TTC28: variants seen among roughly 807,000 people sequenced by gnomAD.
TTC28 encodes the protein tetratricopeptide repeat domain 28, also known as tetratricopeptide repeat protein 28.
A neutral mutation model predicts 198.0 loss-of-function variants in TTC28; 61 were observed. The observed-to-expected ratio is 0.31, with a 90% CI of 0.25 to 0.38. The LOEUF (loss-of-function observed/expected upper bound fraction) is 0.38, where lower values mean the gene tolerates loss of function less well. TTC28 is among the 10% of genes least tolerant of loss of function. The probability of loss-of-function intolerance (pLI) is 1.00; values close to 1 mark genes in which losing one functional copy is unlikely to be tolerated. For missense variants in TTC28, 2,678 were observed against 3,164.0 expected, an observed-to-expected ratio of 0.85 and a Z score of 3.69; for synonymous variants, 1,171 against 1,297.8, an observed-to-expected ratio of 0.90 and a Z score of 2.10.
intron 2 of TTC28, among the ~76,000 whole-genome samples, chr22:28,445,624 C>A (rs1332069596): frequency 6.6e-6 from 1 of 152,186 alleles, no homozygotes; most frequent in Non-Finnish European, 1.5e-5. Context: ...TGCCCTCTCA[C>A]TGTCCCCAGA....
chr22:28,453,290 A>T (rs886416836), intron 2 of TTC28, among the ~76,000 whole-genome samples: 1 of 152,182 alleles, frequency 6.6e-6, no homozygotes, highest in South Asian at 2.1e-4. Flanking sequence ...TTAAAACACA[A>T]ATTTTTCTTG....
At chr22:28,264,232 T>TA (rs1931529060) in intron 5 of TTC28, among the ~76,000 whole-genome samples, 1 of 152,112 alleles carries the variant, frequency 6.6e-6, no homozygotes, top group African/African-American at 2.4e-5. Flanking sequence ...GATGGTTTTA[T>TA]AAAGGGGAGT....
chr22:28,545,880 A>G (rs921081501), intron 2 of TTC28, among the ~76,000 whole-genome samples: 36 of 152,240 alleles, frequency 2.4e-4, no homozygotes, highest in African/African-American at 7.7e-4. Context: ...AAGACTCGAT[A>G]TTGTTAAGAT....
chr22:28,620,089 C>T (rs527708681), intron 2 of TTC28, among the ~76,000 whole-genome samples: 5 of 152,204 alleles, frequency 3.3e-5, no homozygotes, highest in South Asian at 2.1e-4. Context: ...CAGTGGCTCA[C>T]GCCTGTAATC....
intron 2 of TTC28, among the ~76,000 whole-genome samples, chr22:28,552,827 C>CA (rs1454117550): frequency 6.6e-6 from 1 of 150,802 alleles, no homozygotes; most frequent in Non-Finnish European, 1.5e-5. Flanking sequence ...CGGTCTCCCT[C>CA]TGATGCCGAG....
intron 2 of TTC28, among the ~76,000 whole-genome samples, chr22:28,595,926 AAAT>A (rs887307918): frequency 1.3e-5 from 2 of 152,184 alleles, no homozygotes; most frequent in African/African-American, 4.8e-5. Context: ...CTGTCTCAAA[AAAT>A]AATAATAACA....
intron 5 of TTC28, among the ~76,000 whole-genome samples, chr22:28,270,054 G>A (rs1174762489): frequency 6.6e-6 from 1 of 152,192 alleles, no homozygotes; most frequent in Non-Finnish European, 1.5e-5. Flanking sequence ...CCTAATGTGA[G>A]GACCATGACC....
chr22:28,075,788 A>T (rs949687217), intron 12 of TTC28, among the ~76,000 whole-genome samples: 2 of 152,200 alleles, frequency 1.3e-5, no homozygotes, highest in Non-Finnish European at 2.9e-5. Flanking sequence ...ACCTCTTTGG[A>T]AGCCTCTTGA....
At chr22:28,028,829 G>T (rs1938953213) in intron 13 of TTC28, 1 of 356,966 alleles carries the variant, frequency 2.8e-6, no homozygotes. Flanking sequence ...TTATACATTG[G>T]CTCCTTTATT....
intron 2 of TTC28, among the ~76,000 whole-genome samples, chr22:28,482,084 C>T (rs1382505230): frequency 6.6e-6 from 1 of 152,016 alleles, no homozygotes; most frequent in Non-Finnish European, 1.5e-5. Context: ...AAGTGTGTTC[C>T]GTGTCAATCA....
Position 27,979,889 on chromosome 22 carries a change from C to T in TTC28, c.*2332G>A, listed in dbSNP as rs1334934294. The T allele has an allele frequency of 6.6e-6, 1 of 152,164 alleles. No homozygotes were observed. The highest frequency in any genetic ancestry group is 1.5e-5 in the Non-Finnish European group (1 of 68,040). The allele number at this position is 152,164 out of a possible 1,614,324, so 9.4% of individuals were successfully genotyped here. ...CCTTCCTTGAAACTTATATTTAAGA[C>T]AGAATAAAACCACATAAACCATTGG... On this transcript the variant is annotated 3_prime_UTR_variant, in exon 23 of 23. Coordinates refer to ENST00000397906, the MANE Select transcript of TTC28 (RefSeq NM_001145418.2).
chr22:28,506,899 AT>A (rs2048621028), intron 2 of TTC28, among the ~76,000 whole-genome samples: 1 of 152,236 alleles, frequency 6.6e-6, no homozygotes, highest in African/African-American at 2.4e-5. Context: ...CAAAAAATCC[AT>A]TCAAAGGTCA....
At chr22:28,588,936 A>G (rs1172509517) in intron 2 of TTC28, among the ~76,000 whole-genome samples, 1 of 152,256 alleles carries the variant, frequency 6.6e-6, no homozygotes, top group Non-Finnish European at 1.5e-5. Context: ...AATTTTTAAC[A>G]CATAGAACTC....
At chr22:28,199,609 T>C (rs1925741288) in intron 5 of TTC28, among the ~76,000 whole-genome samples, 1 of 148,788 alleles carries the variant, frequency 6.7e-6, no homozygotes, top group Middle Eastern at 3.4e-3. Flanking sequence ...TGTATGTGTA[T>C]GTGTATGTGT....
intron 1 of TTC28, among the ~76,000 whole-genome samples, chr22:28,655,340 AC>A (rs2051628163): frequency 6.6e-6 from 1 of 152,180 alleles, no homozygotes; most frequent in Non-Finnish European, 1.5e-5. Flanking sequence ...AAAACTACAA[AC>A]CCAATAAACA....
chr22:28,127,563 A>T (rs1279402240), intron 6 of TTC28, among the ~76,000 whole-genome samples: 1 of 152,250 alleles, frequency 6.6e-6, no homozygotes, highest in Non-Finnish European at 1.5e-5. Context: ...CAGACACAGG[A>T]TTTCCAAGAC....
chr22:28,604,414 T>C (rs2050696259), intron 2 of TTC28, among the ~76,000 whole-genome samples: 1 of 151,364 alleles, frequency 6.6e-6, no homozygotes, highest in African/African-American at 2.4e-5. Context: ...AAAAAGACTC[T>C]GGAAACTCCT....
chr22:28,083,873 C>A (rs985708292), intron 12 of TTC28, among the ~76,000 whole-genome samples: 32 of 152,364 alleles, frequency 2.1e-4, no homozygotes, highest in Admixed American at 5.2e-4. Flanking sequence ...TATCCCGCAC[C>A]TGGCTCAGAG....
intron 2 of TTC28, among the ~76,000 whole-genome samples, chr22:28,446,107 A>G (rs531729802): frequency 6.6e-6 from 1 of 152,352 alleles, no homozygotes; most frequent in East Asian, 1.9e-4. Context: ...TGTTCAAAAT[A>G]CAAAATAAAA....
Sources: allele counts gnomAD v4.1 joint callset (sites outside exome capture counted in the v4.1 genomes callset), GRCh38; gene constraint gnomAD v4.1.1; transcripts MANE v1.5; gene names NCBI Gene and HGNC (gene_info 2026-07-23, HGNC 2026-07-21).